CDKAL1: variants seen among roughly 807,000 people sequenced by gnomAD.
CDKAL1 encodes the protein CDKAL1 threonylcarbamoyladenosine tRNA methylthiotransferase, also known as threonylcarbamoyladenosine tRNA methylthiotransferase.
In CDKAL1, 32 loss-of-function variants were observed where a neutral mutation model predicts 68.2. The ratio of observed to expected loss-of-function variants is 0.47; its 90% CI spans 0.35 to 0.63. CDKAL1 has a LOEUF of 0.63. Ranked by LOEUF, CDKAL1 falls within the 30% of genes least tolerant of loss-of-function variation. CDKAL1 has a pLI of 0.00. For synonymous variants in CDKAL1, 234 were observed against 244.3 expected, an observed-to-expected ratio of 0.96 and a Z score of 0.39; for missense variants, 606 against 696.7, an observed-to-expected ratio of 0.87 and a Z score of 1.47.
intron 13 of CDKAL1, among the ~76,000 whole-genome samples, chr6:21,162,103 G>C (rs1425370214): frequency 6.6e-6 from 1 of 152,154 alleles, no homozygotes; most frequent in African/African-American, 2.4e-5. Flanking sequence ...GATATGTCCT[G>C]GTAGAGAGGG....
intron 6 of CDKAL1, among the ~76,000 whole-genome samples, chr6:20,746,306 G>A (rs996086589): frequency 6.6e-6 from 1 of 152,168 alleles, no homozygotes; most frequent in African/African-American, 2.4e-5. Flanking sequence ...TCTGTTGAAA[G>A]GGCTATTTCT....
intron 5 of CDKAL1, among the ~76,000 whole-genome samples, chr6:20,685,706 A>G (rs534381992): frequency 6.6e-6 from 1 of 152,124 alleles, no homozygotes; most frequent in African/African-American, 2.4e-5. Flanking sequence ...AAAAAATTTT[A>G]TTTTATTTTT....
At chr6:20,585,545 A>G (rs978148479) in intron 4 of CDKAL1, among the ~76,000 whole-genome samples, 2 of 152,188 alleles carry the variant, frequency 1.3e-5, no homozygotes, top group African/African-American at 2.4e-5. Flanking sequence ...AAGTTCACCA[A>G]TGACCTTTGC....
chr6:20,698,170 G>A (rs895421635), intron 5 of CDKAL1, among the ~76,000 whole-genome samples: 1 of 152,140 alleles, frequency 6.6e-6, no homozygotes, highest in Non-Finnish European at 1.5e-5. Context: ...CTGTAACATA[G>A]TGGCTAGTCA....
chr6:21,183,351 G>A (rs966418454), intron 13 of CDKAL1, among the ~76,000 whole-genome samples: 8 of 152,140 alleles, frequency 5.3e-5, no homozygotes, highest in African/African-American at 1.9e-4. Context: ...CTGGCAGTAC[G>A]CCCACCAGGA....
intron 10 of CDKAL1, among the ~76,000 whole-genome samples, chr6:20,981,324 A>G (rs930548794): frequency 2.0e-5 from 3 of 152,178 alleles, no homozygotes; most frequent in Admixed American, 6.5e-5. Flanking sequence ...CATTTCACTC[A>G]GCCGAAGACG....
intron 4 of CDKAL1, among the ~76,000 whole-genome samples, chr6:20,557,430 A>G (rs1423393172): frequency 6.6e-6 from 1 of 152,176 alleles, no homozygotes; most frequent in Non-Finnish European, 1.5e-5. Flanking sequence ...TAAACATAGA[A>G]TTATATACAG....
intron 10 of CDKAL1, among the ~76,000 whole-genome samples, chr6:20,981,863 T>C (rs1464049375): frequency 6.6e-6 from 1 of 152,168 alleles, no homozygotes. Flanking sequence ...AAATTGTTGA[T>C]GGTCCCCATC....
chr6:20,786,730 C>G (rs1244164488), intron 8 of CDKAL1, among the ~76,000 whole-genome samples: 1 of 152,036 alleles, frequency 6.6e-6, no homozygotes, highest in South Asian at 2.1e-4. Flanking sequence ...ATCTCCTGAC[C>G]TCATGATCTG....
At chr6:20,651,454 G>C (rs957503770) in intron 5 of CDKAL1, among the ~76,000 whole-genome samples, 1 of 152,164 alleles carries the variant, frequency 6.6e-6, no homozygotes, top group African/African-American at 2.4e-5. Flanking sequence ...AAGTTTTTGG[G>C]CTGAGACGAT....
At chr6:21,030,366 T>C (rs1769209284) in intron 11 of CDKAL1, among the ~76,000 whole-genome samples, 1 of 152,030 alleles carries the variant, frequency 6.6e-6, no homozygotes, top group South Asian at 2.1e-4. Flanking sequence ...TTAGGACAAA[T>C]AGCTAATGCA....
At chr6:20,717,300 C>T (rs1772144116) in intron 5 of CDKAL1, among the ~76,000 whole-genome samples, 1 of 151,764 alleles carries the variant, frequency 6.6e-6, no homozygotes, top group African/African-American at 2.4e-5. Flanking sequence ...ATACAAAATA[C>T]ATGCGTATAT....
At chr6:21,131,991 G>A (rs1341373399) in intron 13 of CDKAL1, among the ~76,000 whole-genome samples, 1 of 151,974 alleles carries the variant, frequency 6.6e-6, no homozygotes, top group Non-Finnish European at 1.5e-5. Flanking sequence ...GGTAGTTAAA[G>A]CAATACAAAT....
chr6:20,708,288 A>G (rs2127826502), intron 5 of CDKAL1, among the ~76,000 whole-genome samples: 1 of 152,294 alleles, frequency 6.6e-6, no homozygotes, highest in African/African-American at 2.4e-5. Flanking sequence ...TTTTTCACGA[A>G]TTTTCAATTT....
rs551954360 is a variant in CDKAL1, at chr6:21,039,297, C to T, written c.1056-25751C>T. Among the ~76,000 whole-genome samples, 13 of 152,280 alleles carry T rather than the reference C, an allele frequency of 8.5e-5. 1 individual carries two copies. The highest frequency in any genetic ancestry group is 1.9e-4 in the Non-Finnish European group (13 of 68,022). ...CAATTTCATCCTGAAACCATCTCCCCAAACCCCCAAGTCCATGGAAAAAAT... is the reference window on the plus strand; with the variant it reads ...CAATTTCATCCTGAAACCATCTCCCTAAACCCCCAAGTCCATGGAAAAAAT... On this transcript the variant is annotated intron_variant, in intron 11 of 15. Coordinates refer to ENST00000274695, the MANE Select transcript of CDKAL1 (RefSeq NM_017774.3).
At chr6:20,782,252 C>CA (rs551060966) in intron 8 of CDKAL1, among the ~76,000 whole-genome samples, 1 of 152,038 alleles carries the variant, frequency 6.6e-6, no homozygotes, top group East Asian at 1.9e-4. Context: ...CGGTTTTTCC[C>CA]AAAAAACCCC....
At chr6:21,230,198 G>A (rs1045401206) in intron 15 of CDKAL1, among the ~76,000 whole-genome samples, 3 of 152,186 alleles carry the variant, frequency 2.0e-5, no homozygotes, top group Non-Finnish European at 4.4e-5. Context: ...GTCTCACTCT[G>A]TTGCCCAGGC....
At chr6:21,120,113 A>G (rs911081554) in intron 13 of CDKAL1, among the ~76,000 whole-genome samples, 17 of 152,356 alleles carry the variant, frequency 1.1e-4, no homozygotes, top group African/African-American at 4.1e-4. Context: ...TTGTGTGCTC[A>G]TATAATTCAC....
intron 4 of CDKAL1, among the ~76,000 whole-genome samples, chr6:20,601,279 G>C (rs1766085949): frequency 6.6e-6 from 1 of 152,140 alleles, no homozygotes; most frequent in Admixed American, 6.5e-5. Flanking sequence ...CAATGTCATT[G>C]ATTACTGGGG....
Sources: allele counts gnomAD v4.1 joint callset (sites outside exome capture counted in the v4.1 genomes callset), GRCh38; gene constraint gnomAD v4.1.1; transcripts MANE v1.5; gene names NCBI Gene and HGNC (gene_info 2026-07-23, HGNC 2026-07-21).